The following CERT1 variants were observed in gnomAD, a reference collection of about 807,000 sequenced individuals.
CERT1 encodes the protein ceramide transporter 1, also known as ceramide transfer protein.
A neutral mutation model predicts 87.9 loss-of-function variants in CERT1; 31 were observed. The observed-to-expected ratio is 0.35, with a 90% CI of 0.27 to 0.48. The LOEUF (loss-of-function observed/expected upper bound fraction) is 0.48. Ranked by LOEUF, CERT1 falls within the 20% of genes least tolerant of loss-of-function variation. The pLI, the probability that CERT1 is intolerant of heterozygous loss-of-function variation, is 0.99. For missense variants in CERT1, 487 were observed against 758.0 expected, an observed-to-expected ratio of 0.64 and a Z score of 4.20; for synonymous variants, 289 against 250.9, an observed-to-expected ratio of 1.15 and a Z score of -1.44.
chr5:75,482,546 G>C (rs1766299397), intron 2 of CERT1, among the ~76,000 whole-genome samples: 1 of 152,204 alleles, frequency 6.6e-6, no homozygotes, highest in African/African-American at 2.4e-5. Flanking sequence ...ACCAGCAGTA[G>C]TCAGACAGTA....
At chr5:75,381,831 A>G in intron 15 of CERT1, 118 bp downstream of exon 15, 1 of 952,520 alleles carries the variant, frequency 1.0e-6, no homozygotes. Flanking sequence ...CCAACATAAA[A>G]TCTAAGAACC....
intron 1 of CERT1, among the ~76,000 whole-genome samples, chr5:75,506,434 C>T (rs1317665128): frequency 6.6e-6 from 1 of 152,174 alleles, no homozygotes; most frequent in Non-Finnish European, 1.5e-5. Flanking sequence ...CGTATGCTTT[C>T]ATCCTCTCCT....
chr5:75,390,878 A>G (rs1469806827), intron 11 of CERT1, among the ~76,000 whole-genome samples: 4 of 152,112 alleles, frequency 2.6e-5, no homozygotes, highest in Non-Finnish European at 5.9e-5. Flanking sequence ...ATCATAACTC[A>G]CTGTAATCTT....
intron 11 of CERT1, among the ~76,000 whole-genome samples, chr5:75,396,222 T>C (rs558606806): frequency 1.3e-5 from 2 of 152,332 alleles, no homozygotes; most frequent in Non-Finnish European, 1.5e-5. Context: ...ATCAAGAAAC[T>C]AGATATGGTA....
At chr5:75,484,078 GT>G (rs1460156184) in intron 2 of CERT1, among the ~76,000 whole-genome samples, 1 of 152,092 alleles carries the variant, frequency 6.6e-6, no homozygotes, top group East Asian at 1.9e-4. Context: ...AAGTTTAAAA[GT>G]GGGGGGTGAT....
Position 75,511,375 on chromosome 5 carries a change from G to T in CERT1, c.-168C>A. 1 of 1,547,020 alleles carries T rather than the reference G, an allele frequency of 6.5e-7. No individual in the cohort carries two copies. On this transcript the variant is annotated 5_prime_UTR_variant, in exon 1 of 17. Coordinates refer to ENST00000643780, the MANE Select transcript of CERT1 (RefSeq NM_001379029.1). ...GAAGTCCGCCCGCCGCGCCGCCGCC[G>T]CGCCTGACACCGAGCGGAGCGAGGA...
intron 2 of CERT1, among the ~76,000 whole-genome samples, chr5:75,492,288 A>G (rs917205948): frequency 6.6e-6 from 1 of 152,178 alleles, no homozygotes; most frequent in African/African-American, 2.4e-5. Context: ...TCATGAGCCC[A>G]GGAGGTCAAG....
intron 3 of CERT1, among the ~76,000 whole-genome samples, chr5:75,449,064 C>T (rs73764903): frequency 0.078 from 11,906 of 152,132 alleles, 558 homozygotes; most frequent in South Asian, 0.17. Context: ...TGTATAACTG[C>T]CAATCCTACC....
intron 2 of CERT1, among the ~76,000 whole-genome samples, chr5:75,495,422 G>C (rs1468230063): frequency 6.6e-6 from 1 of 152,134 alleles, no homozygotes; most frequent in Admixed American, 6.5e-5. Flanking sequence ...GCCAGGCATG[G>C]TGGCGCATGC....
chr5:75,463,394 C>T (rs1765320861), intron 2 of CERT1, among the ~76,000 whole-genome samples: 1 of 152,016 alleles, frequency 6.6e-6, no homozygotes, highest in Admixed American at 6.6e-5. Flanking sequence ...GTATCACCAC[C>T]ACTAAGAATG....
At chr5:75,443,545 T>C (rs771165439) in intron 3 of CERT1, among the ~76,000 whole-genome samples, 3 of 152,254 alleles carry the variant, frequency 2.0e-5, no homozygotes, top group Non-Finnish European at 2.9e-5. Flanking sequence ...ACACTTTATA[T>C]GGTATTTATT....
At chr5:75,385,210 C>T (rs1299238119) in intron 13 of CERT1, among the ~76,000 whole-genome samples, 3 of 152,132 alleles carry the variant, frequency 2.0e-5, no homozygotes, top group Non-Finnish European at 4.4e-5. Flanking sequence ...CAGTGGCTCA[C>T]ATCTGTAATC....
intron 3 of CERT1, among the ~76,000 whole-genome samples, chr5:75,431,751 C>A (rs369475440): frequency 4.9e-4 from 75 of 152,282 alleles, no homozygotes; most frequent in African/African-American, 1.7e-3. Flanking sequence ...TGATCTCACT[C>A]CTTTTTATGG....
intron 1 of CERT1, among the ~76,000 whole-genome samples, chr5:75,510,115 T>C (rs1252278956): frequency 6.6e-6 from 1 of 152,136 alleles, no homozygotes; most frequent in Admixed American, 6.5e-5. Context: ...AACAGGGTGA[T>C]TTCTTAATAG....
At chr5:75,393,120 T>C (rs1762097566) in intron 11 of CERT1, among the ~76,000 whole-genome samples, 2 of 151,202 alleles carry the variant, frequency 1.3e-5, no homozygotes, top group African/African-American at 4.9e-5. Context: ...AATAATGTTA[T>C]AGTAACACCT....
At chr5:75,479,202 CATT>C (rs1387765276) in intron 2 of CERT1, among the ~76,000 whole-genome samples, 1 of 151,994 alleles carries the variant, frequency 6.6e-6, no homozygotes, top group African/African-American at 2.4e-5. Context: ...ACTTTGCAAA[CATT>C]ATTAAACTAA....
intron 3 of CERT1, among the ~76,000 whole-genome samples, chr5:75,433,866 T>A (rs1395299004): frequency 1.3e-5 from 2 of 152,158 alleles, no homozygotes; most frequent in Non-Finnish European, 2.9e-5. Flanking sequence ...CTGAATTTGT[T>A]TATTGGTTCT....
intron 9 of CERT1, 109 bp from the exon 10 acceptor site, chr5:75,400,406 G>A: frequency 1.4e-6 from 1 of 710,812 alleles, no homozygotes; most frequent in Non-Finnish European, 2.4e-6. Context: ...GAACGCCTTA[G>A]TGCTTATAAC....
At chr5:75,425,797 C>G (rs1338435943) in intron 4 of CERT1, among the ~76,000 whole-genome samples, 1 of 152,150 alleles carries the variant, frequency 6.6e-6, no homozygotes. Flanking sequence ...GCAAATATAA[C>G]ATTTGGTATT....
Sources: gnomAD v4.1 joint callset for allele counts (sites outside exome capture counted in the v4.1 genomes callset) on GRCh38, gnomAD v4.1.1 for gene constraint, MANE v1.5 for transcripts, NCBI Gene and HGNC (gene_info 2026-07-23, HGNC 2026-07-21) for gene names.